KIF26B: variants seen among roughly 807,000 people sequenced by gnomAD.
KIF26B encodes the protein kinesin-like protein KIF26B.
In KIF26B, 63 loss-of-function variants were observed where a neutral mutation model predicts 151.2. The ratio of observed to expected loss-of-function variants is 0.42; its 90% CI spans 0.34 to 0.51. KIF26B has a LOEUF of 0.51. KIF26B is among the 20% of genes least tolerant of loss of function. The pLI, the probability that KIF26B is intolerant of heterozygous loss-of-function variation, is 0.07. For missense variants in KIF26B, 2,813 were observed against 2,913.6 expected, an observed-to-expected ratio of 0.97 and a Z score of 0.79; for synonymous variants, 1,357 against 1,262.1, an observed-to-expected ratio of 1.08 and a Z score of -1.59.
chr1:245,687,884 C>G lies in KIF26B; in HGVS notation c.4901C>G (p.Pro1634Arg), dbSNP rs775785855. 3 of 1,591,764 alleles carry G rather than the reference C, an allele frequency of 1.9e-6. No individual in the cohort carries two copies. Among genetic ancestry groups the G allele is most frequent in the Admixed American group, 1.7e-5 (1 of 57,440 alleles). The change falls in exon 12 of 15, where the codon CCG becomes CGG. Residue 1634 changes from proline (P) to arginine (R), a missense_variant. Physicochemically the swap from Pro to Arg is moderately radical, Grantham distance 103. Coordinates refer to ENST00000407071, the MANE Select transcript of KIF26B (RefSeq NM_018012.4). This position sits in a 1 kb window ranked among gnomAD's most constrained non-coding sequence, Gnocchi z 4.9. ...CCCCTGAACCAACCAGCCGCCTTCC[C>G]GGCGGGCCTCCCAGACGAGCCTAGC... Reference protein sequence around the residue: ...SSPLNQPAAFPAGLPDEPSGK... With the variant: ...SSPLNQPAAFRAGLPDEPSGK...
Position 245,698,402 on chromosome 1 carries a change from C to T in KIF26B, c.6027+94C>T. On this transcript the variant is annotated intron_variant, in intron 13 of 14. Transcript: ENST00000407071. This position sits in a 1 kb window ranked among gnomAD's most constrained non-coding sequence, Gnocchi z 4.0. ...AGGCAGGGCCCTGGGGAAGAAAACT[C>T]AGACCCGGGCTTCCCAGCGGGCTTC... 11 of 1,162,382 alleles carry T rather than the reference C, an allele frequency of 9.5e-6. No individual in the cohort carries two copies. The highest frequency in any genetic ancestry group is 1.2e-5 in the Non-Finnish European group (10 of 824,204). 72.0% of individuals were successfully genotyped at this position (1,162,382 alleles called of 1,614,324 possible). A position where few individuals can be genotyped will look rare whatever the true frequency, so the allele number is the denominator to read the frequency against.
rs1436008542 is a variant in KIF26B, at chr1:245,540,584, T to G, written c.1167-183T>G. The G allele has an allele frequency of 6.9e-6, 5 of 727,698 alleles. No homozygotes were observed. In the South Asian group the frequency reaches 7.3e-5, roughly 11 times the overall value. 45.1% of individuals were successfully genotyped at this position (727,698 alleles called of 1,614,324 possible). Reference sequence around the variant, plus strand: ...TTTTTCCTTTTGTCGTATAAATGATTGGGTAGCTCGTTAACTTCACTCTGT... The same window carrying G: ...TTTTTCCTTTTGTCGTATAAATGATGGGGTAGCTCGTTAACTTCACTCTGT... On this transcript the variant is annotated intron_variant, in intron 4 of 14. Coordinates refer to ENST00000407071, the MANE Select transcript of KIF26B (RefSeq NM_018012.4). This position sits in a 1 kb window ranked among gnomAD's most constrained non-coding sequence, Gnocchi z 4.6.
rs779978481 is a variant in KIF26B at position 245,698,843 on chromosome 1, G to T, written c.6028-44G>T. ...ACAGGTGCTCCTGTGGTGTGGGCTG[G>T]GTGTGAGCAGAAGGGCCCTTTCTCC... On this transcript the variant is annotated intron_variant, in intron 13 of 14. Transcript: ENST00000407071. The surrounding 1 kb of genome is among the most constrained non-coding windows in gnomAD (Gnocchi z 4.0). 3.1e-6 allele frequency: 5 copies of T among 1,594,250 alleles called. No individual in the cohort carries two copies. Among genetic ancestry groups the T allele is most frequent in the Non-Finnish European group, 4.3e-6 (5 of 1,167,386 alleles).
intron 2 of KIF26B, among the ~76,000 whole-genome samples, chr1:245,331,214 T>G (rs1007850884): frequency 2.0e-5 from 3 of 151,982 alleles, no homozygotes; most frequent in Non-Finnish European, 2.9e-5. Context: ...TGGATCGCGC[T>G]CTTGCCGGAG....
chr1:245,433,461 T>G, intron 4 of KIF26B, among the ~76,000 whole-genome samples: 1 of 135,482 alleles, frequency 7.4e-6, no homozygotes, highest in Non-Finnish European at 1.5e-5. Flanking sequence ...AGCAAGACTC[T>G]GTCTCAAAAA....
chr1:245,698,309 G>T lies in KIF26B; in HGVS notation c.6027+1G>T. ...GCGGCGACGAGGGGGTGCCAGCAAG[G>T]TGAGGCAGCCTCCTTCCCACCCCCT... On this transcript the variant is annotated splice_donor_variant, in intron 13 of 14. Transcript: ENST00000407071. LOFTEE classifies it high-confidence loss of function. The surrounding 1 kb of genome is among the most constrained non-coding windows in gnomAD (Gnocchi z 4.0). 6.2e-7 allele frequency: 1 copy of T among 1,612,422 alleles called. No homozygotes were observed.
At chr1:245,391,116 C>T (rs1369671267) in intron 3 of KIF26B, among the ~76,000 whole-genome samples, 6 of 152,008 alleles carry the variant, frequency 3.9e-5, no homozygotes, top group East Asian at 3.9e-4. Flanking sequence ...AATGGGTCAA[C>T]GTCTGGAAGA....
intron 10 of KIF26B, among the ~76,000 whole-genome samples, chr1:245,651,919 C>T (rs560618308): frequency 3.9e-5 from 6 of 152,166 alleles, no homozygotes; most frequent in South Asian, 2.1e-4. Context: ...TTTGGGACTG[C>T]GGAGCCATGG....
At chr1:245,530,788 C>T (rs1327904346) in intron 4 of KIF26B, among the ~76,000 whole-genome samples, 2 of 152,194 alleles carry the variant, frequency 1.3e-5, no homozygotes, top group Non-Finnish European at 2.9e-5. Context: ...TGCTTCTCAT[C>T]TGTGCAATTT....
At chr1:245,228,470 G>A (rs1455089788) in intron 2 of KIF26B, among the ~76,000 whole-genome samples, 2 of 151,974 alleles carry the variant, frequency 1.3e-5, no homozygotes, top group African/African-American at 4.8e-5. Flanking sequence ...GGAGGCTGAG[G>A]CAGGAGAATT....
chr1:245,210,364 A>G (rs1669492712), intron 2 of KIF26B, among the ~76,000 whole-genome samples: 1 of 152,166 alleles, frequency 6.6e-6, no homozygotes, highest in African/African-American at 2.4e-5. Context: ...TGAGGGAAGG[A>G]CCGACAGGCT....
chr1:245,341,331 T>C (rs1672330759), intron 2 of KIF26B, among the ~76,000 whole-genome samples: 1 of 128,280 alleles, frequency 7.8e-6, no homozygotes, highest in African/African-American at 3.5e-5. Context: ...TTTTTTTTTT[T>C]TTTTTTTGAG....
intron 4 of KIF26B, among the ~76,000 whole-genome samples, chr1:245,508,249 TG>T (rs1660763461): frequency 6.6e-6 from 1 of 152,226 alleles, no homozygotes; most frequent in Admixed American, 6.5e-5. Context: ...ACTTTTTTAT[TG>T]TTGTTGTTGA....
At chr1:245,354,789 C>T (rs1205457261) in intron 2 of KIF26B, among the ~76,000 whole-genome samples, 1 of 152,240 alleles carries the variant, frequency 6.6e-6, no homozygotes, top group Non-Finnish European at 1.5e-5. Flanking sequence ...TTAGAACACC[C>T]ACCTTGCCCT....
At chr1:245,651,004 G>A (rs183790779) in intron 10 of KIF26B, among the ~76,000 whole-genome samples, 11 of 152,260 alleles carry the variant, frequency 7.2e-5, no homozygotes, top group Non-Finnish European at 1.0e-4. Flanking sequence ...TGCTGAGCTC[G>A]CCTCCTCCTC....
intron 10 of KIF26B, among the ~76,000 whole-genome samples, chr1:245,646,840 C>A (rs2043953407): frequency 6.6e-6 from 1 of 152,128 alleles, no homozygotes; most frequent in African/African-American, 2.4e-5. Context: ...CCTTCCCATG[C>A]AAATGTTTAG....
In KIF26B at chr1:245,598,563, A is replaced by G. The variant is rs189714963; in HGVS notation, c.1351-4014A>G. Among the ~76,000 whole-genome samples the G allele has an allele frequency of 8.5e-4, 130 of 152,168 alleles. 1 individual carries two copies. The highest frequency in any genetic ancestry group is 3.0e-3 in the African/African-American group (125 of 41,506). On this transcript the variant is annotated intron_variant, in intron 5 of 14. Transcript: ENST00000407071. Reference sequence around the variant, plus strand: ...GATCACGTGTAGTGGTCACGGTGAGAGATGACGGGGCTGCTCCTCCTCAGC... The same window carrying G: ...GATCACGTGTAGTGGTCACGGTGAGGGATGACGGGGCTGCTCCTCCTCAGC...
In KIF26B at chr1:245,359,855, T is replaced by TTTCC. The variant is rs1414965752; in HGVS notation, c.466-6976_466-6975insCTTC. Among the ~76,000 whole-genome samples the TTTCC allele has an allele frequency of 5.6e-5, 8 of 142,274 alleles. No homozygotes were observed. In the East Asian group the frequency reaches 1.4e-3, roughly 24 times the overall value. 93.3% of individuals were successfully genotyped at this position (142,274 alleles called of 152,430 possible). On this transcript the variant is annotated intron_variant, in intron 2 of 14. Coordinates refer to ENST00000407071, the MANE Select transcript of KIF26B (RefSeq NM_018012.4). ...AGCCAATGGGCCCAGCCTATTGTGATTTCTTTCTTTCTTTCTTTCTTTTTT... is the reference window on the plus strand; with the variant it reads ...AGCCAATGGGCCCAGCCTATTGTGATTTCCTTCTTTCTTTCTTTCTTTCTTTTTT...
intron 9 of KIF26B, among the ~76,000 whole-genome samples, chr1:245,624,439 T>C (rs1267663338): frequency 6.6e-6 from 1 of 152,180 alleles, no homozygotes; most frequent in Non-Finnish European, 1.5e-5. Flanking sequence ...TGGTCAGTCT[T>C]TTAAGTTTTG....
Sources: allele counts gnomAD v4.1 joint callset (sites outside exome capture counted in the v4.1 genomes callset), GRCh38; gene constraint gnomAD v4.1.1; non-coding constraint Gnocchi (gnomAD v3.1); transcripts MANE v1.5; gene names NCBI Gene and HGNC (gene_info 2026-07-23, HGNC 2026-07-21).